The following DLG2 variants were observed in gnomAD, a reference collection of about 807,000 sequenced individuals.
The protein encoded by DLG2 is disks large homolog 2.
DLG2 carries 45 observed loss-of-function variants against 132.5 expected under a neutral mutation model. The ratio of observed to expected loss-of-function variants is 0.34; its 90% confidence interval spans 0.27 to 0.44. DLG2 has a LOEUF of 0.44. Ranked by LOEUF, DLG2 falls within the 20% of genes least tolerant of loss-of-function variation. The pLI, the probability that DLG2 is intolerant of heterozygous loss-of-function variation, is 1.00. For synonymous variants in DLG2, 424 were observed against 419.6 expected (o/e 1.01, Z -0.13); for missense variants, 1,045 against 1,196.9 (o/e 0.87, Z 1.87).
intron 6 of DLG2, among the ~76,000 whole-genome samples, chr11:84,858,478 T>C (rs1422481875): frequency 2.0e-5 from 3 of 152,066 alleles, no homozygotes; most frequent in Non-Finnish European, 2.9e-5. Context: ...AAATAAAGCA[T>C]TGAGGACCTT....
At chr11:84,767,373 C>G (rs930180210) in intron 6 of DLG2, among the ~76,000 whole-genome samples, 2 of 151,998 alleles carry the variant, frequency 1.3e-5, no homozygotes, top group African/African-American at 4.8e-5. Flanking sequence ...ATTCCATAAA[C>G]TACCACGTTT....
chr11:83,463,923 A>G (rs1262598475), intron 26 of DLG2, among the ~76,000 whole-genome samples: 2 of 152,160 alleles, frequency 1.3e-5, no homozygotes, highest in Non-Finnish European at 2.9e-5. Flanking sequence ...CTGTGAATTT[A>G]TTTTGTCTCC....
chr11:84,860,077 A>G (rs1003519906), intron 6 of DLG2, among the ~76,000 whole-genome samples: 1 of 152,138 alleles, frequency 6.6e-6, no homozygotes, highest in Non-Finnish European at 1.5e-5. Context: ...CATCCCCAGG[A>G]TCTAGCACAA....
chr11:84,771,275 G>A (rs2069336709), intron 6 of DLG2, among the ~76,000 whole-genome samples: 1 of 152,138 alleles, frequency 6.6e-6, no homozygotes, highest in Non-Finnish European at 1.5e-5. Flanking sequence ...AACCTTGCCA[G>A]CATCTGTTAT....
At chr11:83,919,180 A>G (rs1019600987) in intron 15 of DLG2, among the ~76,000 whole-genome samples, 1 of 152,140 alleles carries the variant, frequency 6.6e-6, no homozygotes, top group Non-Finnish European at 1.5e-5. Context: ...AGCAATTATA[A>G]TGGTAGAAAT....
At chr11:84,313,512 GAGAC>G (rs1394529333) in intron 7 of DLG2, among the ~76,000 whole-genome samples, 3 of 127,038 alleles carry the variant, frequency 2.4e-5, no homozygotes, top group African/African-American at 5.9e-5. Flanking sequence ...AAGAGAGAGA[GAGAC>G]AGAGAGAGAG....
At chr11:84,207,555 T>G (rs2096688029) in intron 8 of DLG2, among the ~76,000 whole-genome samples, 3 of 152,262 alleles carry the variant, frequency 2.0e-5, no homozygotes, top group Admixed American at 2.0e-4. Context: ...AACATCTTTT[T>G]GACCAATGGT....
At chr11:83,656,967 T>C (rs2072669527) in intron 18 of DLG2, among the ~76,000 whole-genome samples, 1 of 152,124 alleles carries the variant, frequency 6.6e-6, no homozygotes, top group Non-Finnish European at 1.5e-5. Flanking sequence ...ACAAGGCCTT[T>C]GTTACCCCCA....
intron 4 of DLG2, among the ~76,000 whole-genome samples, chr11:85,268,326 C>G (rs1484305371): frequency 1.3e-5 from 2 of 152,194 alleles, no homozygotes; most frequent in Non-Finnish European, 2.9e-5. Context: ...AACCATTAGT[C>G]TCTCACATAT....
chr11:84,920,897 GA>G (rs891491601), intron 6 of DLG2, among the ~76,000 whole-genome samples: 20 of 151,616 alleles, frequency 1.3e-4, no homozygotes, highest in African/African-American at 3.9e-4. Context: ...TGTGTGCAGA[GA>G]AAAAAAAGAC....
intron 6 of DLG2, among the ~76,000 whole-genome samples, chr11:84,823,905 A>G (rs1239670642): frequency 6.6e-6 from 1 of 151,886 alleles, no homozygotes; most frequent in Non-Finnish European, 1.5e-5. Flanking sequence ...AAATATAAAA[A>G]GGTGGCACGG....
intron 6 of DLG2, among the ~76,000 whole-genome samples, chr11:84,903,551 T>C (rs1324277165): frequency 1.3e-5 from 2 of 152,194 alleles, no homozygotes; most frequent in Non-Finnish European, 2.9e-5. Context: ...ATAGTTGGCA[T>C]TGTTCACAAA....
chr11:85,551,029 T>C (rs941706724), intron 3 of DLG2, among the ~76,000 whole-genome samples: 3 of 152,226 alleles, frequency 2.0e-5, no homozygotes, highest in African/African-American at 7.2e-5. Flanking sequence ...AGTAGCTTCT[T>C]GTTAATTTTA....
At chr11:84,048,259 T>C (rs556821391) in intron 11 of DLG2, among the ~76,000 whole-genome samples, 1 of 151,768 alleles carries the variant, frequency 6.6e-6, no homozygotes, top group East Asian at 1.9e-4. Flanking sequence ...AGACAAATAG[T>C]TCACCACTTT....
intron 7 of DLG2, among the ~76,000 whole-genome samples, chr11:84,412,173 A>G (rs2098909274): frequency 6.6e-6 from 1 of 152,102 alleles, no homozygotes; most frequent in Non-Finnish European, 1.5e-5. Flanking sequence ...TGATGATGAT[A>G]TCAGCAAAAA....
chr11:84,019,122 T>C (rs2095310050), intron 11 of DLG2, among the ~76,000 whole-genome samples: 1 of 152,112 alleles, frequency 6.6e-6, no homozygotes, highest in Admixed American at 6.6e-5. Flanking sequence ...TTAAACAATA[T>C]GTATTTTGTA....
intron 8 of DLG2, among the ~76,000 whole-genome samples, chr11:84,185,334 T>C (rs2096253127): frequency 6.6e-6 from 1 of 152,202 alleles, no homozygotes; most frequent in Admixed American, 6.5e-5. Flanking sequence ...TTTGAAGCAA[T>C]TGTGAATGGG....
At chr11:83,893,568 G>C (rs949982946) in intron 15 of DLG2, among the ~76,000 whole-genome samples, 1 of 152,156 alleles carries the variant, frequency 6.6e-6, no homozygotes, top group Non-Finnish European at 1.5e-5. Context: ...TCTAGCTAAA[G>C]GTGTTCCATT....
intron 6 of DLG2, among the ~76,000 whole-genome samples, chr11:84,686,372 C>A (rs1304273427): frequency 6.6e-6 from 1 of 152,168 alleles, no homozygotes; most frequent in Non-Finnish European, 1.5e-5. Flanking sequence ...GGCAACCTTT[C>A]TACAATGCTT....
Sources: gnomAD v4.1 joint callset for allele counts (sites outside exome capture counted in the v4.1 genomes callset) on GRCh38, gnomAD v4.1.1 for gene constraint, MANE v1.5 for transcripts, NCBI Gene and HGNC (gene_info 2026-07-23, HGNC 2026-07-21) for gene names.